The following DNAH14 variants were observed in gnomAD, a reference collection of about 807,000 sequenced individuals.
DNAH14 encodes the protein axonemal beta dynein heavy chain 14.
In DNAH14, 478 loss-of-function variants were observed where a neutral mutation model predicts 520.9. The ratio of observed to expected loss-of-function variants is 0.92; its 90% confidence interval spans 0.85 to 0.99. The LOEUF (loss-of-function observed/expected upper bound fraction) is 0.99. Ranked by LOEUF, DNAH14 falls within the 50% of genes least tolerant of loss-of-function variation. DNAH14 has a pLI of 0.00. For missense variants in DNAH14, 4,831 were observed against 5,234.5 expected (o/e 0.92, Z 2.38); for synonymous variants, 1,581 against 1,757.2 (o/e 0.90, Z 2.51).
intron 41 of DNAH14, among the ~76,000 whole-genome samples, chr1:225,208,987 T>C (rs1000000294): frequency 5.3e-5 from 8 of 152,188 alleles, no homozygotes; most frequent in African/African-American, 1.7e-4. Context: ...TCTCTGTCCA[T>C]GAATGATTTC....
At chr1:225,323,406 T>C (rs183450313) in intron 62 of DNAH14, among the ~76,000 whole-genome samples, 2 of 152,344 alleles carry the variant, frequency 1.3e-5, no homozygotes, top group Non-Finnish European at 2.9e-5. Flanking sequence ...ACAGTAGCAA[T>C]AGCAGGATGT....
At chr1:225,335,466 C>T (rs1558429780) in intron 66 of DNAH14, among the ~76,000 whole-genome samples, 1 of 96,454 alleles carries the variant, frequency 1.0e-5, no homozygotes. Flanking sequence ...CACGTGTGTA[C>T]ATGTGTGTGT....
chr1:225,199,463 A>G (rs1039802129), intron 38 of DNAH14, among the ~76,000 whole-genome samples: 6 of 151,976 alleles, frequency 3.9e-5, no homozygotes, highest in East Asian at 1.9e-4. Context: ...TCTTTTTGAT[A>G]TAAGTGTTTA....
intron 41 of DNAH14, among the ~76,000 whole-genome samples, chr1:225,224,826 G>T (rs1445435689): frequency 6.6e-6 from 1 of 152,170 alleles, no homozygotes; most frequent in Non-Finnish European, 1.5e-5. Flanking sequence ...GGCCTATTCT[G>T]CTTAGCCCAT....
intron 11 of DNAH14, among the ~76,000 whole-genome samples, chr1:225,030,847 T>G (rs1211670179): frequency 6.6e-5 from 10 of 152,018 alleles, no homozygotes; most frequent in African/African-American, 2.2e-4. Flanking sequence ...CAAAATTGTT[T>G]TAACTATTTT....
Position 225,353,787 on chromosome 1 carries a change from T to C in DNAH14, c.11534-16T>C, listed in dbSNP as rs766840212. ...TTGACTGTTAATGCCAGTTTCTTTC[T>C]CTAAATTATATCTAGCTGAACTTTT... On this transcript the variant is annotated splice_polypyrimidine_tract_variant and intron_variant, in intron 72 of 85. Coordinates refer to ENST00000682510, the MANE Select transcript of DNAH14 (RefSeq NM_001367479.1). 4 of 1,341,736 alleles carry C rather than the reference T, an allele frequency of 3.0e-6. No homozygotes were observed. The South Asian group carries it at 5.4e-5, about 18-fold the overall frequency. The allele number at this position is 1,341,736 out of a possible 1,614,324, so 83.1% of individuals were successfully genotyped here.
In DNAH14 at chr1:225,042,869, GA is replaced by G; in HGVS notation, c.1528del (p.Thr510HisfsTer8). On this transcript the variant is annotated frameshift_variant, in exon 13 of 86. Transcript: ENST00000682510. LOFTEE classifies it high-confidence loss of function. ...AGTGTTGAAGTGGGGAAGGATTTGA[GA>G]AAAACATATGCACCAATATTTGAAG... ...LNSVEVGKDL[R>X]KTYAPIFEVN... 3 of 1,551,400 alleles carry G rather than the reference GA, an allele frequency of 1.9e-6. No individual in the cohort carries two copies. Among genetic ancestry groups the G allele is most frequent in the Non-Finnish European group, 1.7e-6 (2 of 1,146,904 alleles).
At chr1:225,337,165 T>A in intron 66 of DNAH14, 101 bp from the exon 67 acceptor site, 1 of 981,206 alleles carries the variant, frequency 1.0e-6, no homozygotes, top group Non-Finnish European at 1.5e-6. Context: ...TATTTCTTTT[T>A]CTAAAGGCAG....
chr1:225,187,129 C>T (rs1445501097), intron 37 of DNAH14, among the ~76,000 whole-genome samples: 1 of 151,744 alleles, frequency 6.6e-6, no homozygotes, highest in Non-Finnish European at 1.5e-5. Context: ...TGCTGGTTGG[C>T]ATGGTATAAC....
chr1:225,085,591 T>G lies in DNAH14; in HGVS notation c.3375T>G (p.Thr1125=). The change falls in exon 21 of 86, where the codon ACT becomes ACG. Residue 1125 remains threonine, a synonymous_variant. Transcript: ENST00000682510. ...TAAATGATATGTCAACCTCAGCAAC[T>G]AATGAAGCTGCTCTTGAAAAAATGC... ...NEINDMSTSA[T]NEAALEKMLF... 1 of 1,550,274 alleles carries G rather than the reference T, an allele frequency of 6.5e-7. No individual in the cohort carries two copies. The highest frequency in any genetic ancestry group is 8.7e-7 in the Non-Finnish European group (1 of 1,145,880).
At chr1:225,322,057 C>G (rs1184570298) in intron 61 of DNAH14, among the ~76,000 whole-genome samples, 1 of 148,028 alleles carries the variant, frequency 6.8e-6, no homozygotes, top group Non-Finnish European at 1.5e-5. Flanking sequence ...AATAACTCTA[C>G]AGTGAAGACT....
intron 82 of DNAH14, 132 bp from the exon 83 acceptor site, chr1:225,389,602 G>C: frequency 9.6e-7 from 1 of 1,039,926 alleles, no homozygotes; most frequent in Non-Finnish European, 1.4e-6. Context: ...TCAAGGGCCT[G>C]ATAAGAGTCC....
intron 21 of DNAH14, 41 bp downstream of exon 21, chr1:225,085,830 A>C: frequency 1.4e-6 from 2 of 1,475,164 alleles, no homozygotes; most frequent in Non-Finnish European, 1.8e-6. Flanking sequence ...CTTTTTCTGT[A>C]GTTTTATTTA....
intron 8 of DNAH14, among the ~76,000 whole-genome samples, chr1:224,995,405 A>G (rs1056090321): frequency 4.6e-5 from 7 of 152,028 alleles, no homozygotes; most frequent in Non-Finnish European, 8.8e-5. Flanking sequence ...TTCTGCTGAC[A>G]AATCTGCTGA....
At chr1:224,959,598 A>C (rs1477942011) in intron 3 of DNAH14, among the ~76,000 whole-genome samples, 1 of 152,136 alleles carries the variant, frequency 6.6e-6, no homozygotes, top group African/African-American at 2.4e-5. Context: ...CTATGTGTTA[A>C]GTCTACCAAT....
rs138085456 is a variant in DNAH14 at position 225,264,586 on chromosome 1, A to T, written c.7222+325A>T. 2.0e-3 allele frequency among the ~76,000 whole-genome samples: 304 copies of T among 152,282 alleles called. 1 individual carries two copies. Among genetic ancestry groups the T allele is most frequent in the African/African-American group, 6.4e-3 (266 of 41,574 alleles). On this transcript the variant is annotated intron_variant, in intron 47 of 85. Coordinates refer to ENST00000682510, the MANE Select transcript of DNAH14 (RefSeq NM_001367479.1). Reference sequence around the variant, plus strand: ...ATTCTACTGTTTGATGCTTTTAGACATACTGCAATAGAAAAGGTATGATTC... The same window carrying T: ...ATTCTACTGTTTGATGCTTTTAGACTTACTGCAATAGAAAAGGTATGATTC...
intron 38 of DNAH14, among the ~76,000 whole-genome samples, chr1:225,203,835 A>G (rs957552543): frequency 1.7e-5 from 2 of 115,604 alleles, no homozygotes; most frequent in South Asian, 3.0e-4. Context: ...GAAAGTCTAG[A>G]AAAAAAAATA....
chr1:225,379,431 T>C (rs183171085), intron 79 of DNAH14, among the ~76,000 whole-genome samples: 223 of 152,336 alleles, frequency 1.5e-3, no homozygotes, highest in Non-Finnish European at 2.6e-3. Flanking sequence ...ACATTTATCT[T>C]CAGACGGAAC....
chr1:225,377,715 C>T lies in DNAH14; in HGVS notation c.12716+279C>T, dbSNP rs12072005. Among the ~76,000 whole-genome samples, 1,238 of 152,204 alleles carry T rather than the reference C, an allele frequency of 8.1e-3. 16 individuals are homozygous for T. The highest frequency in any genetic ancestry group is 0.04 in the East Asian group (209 of 5,190). On this transcript the variant is annotated intron_variant, in intron 79 of 85. Transcript: ENST00000682510. ...GAAGAGATATATAGAAAAGTATAGTCTACATGGTAAAGAAACTAAATTCTA... is the reference window on the plus strand; with the variant it reads ...GAAGAGATATATAGAAAAGTATAGTTTACATGGTAAAGAAACTAAATTCTA...
Sources: gnomAD v4.1 joint callset for allele counts (sites outside exome capture counted in the v4.1 genomes callset) on GRCh38, gnomAD v4.1.1 for gene constraint, MANE v1.5 for transcripts, NCBI Gene and HGNC (gene_info 2026-07-23, HGNC 2026-07-21) for gene names.